The following FYB2 variants were observed in gnomAD, a reference collection of about 807,000 sequenced individuals.
FYB2 encodes the protein FYN-binding protein 2.
Under a neutral mutation model 94.1 loss-of-function variants are expected in FYB2, and 103 were observed. The observed-to-expected ratio is 1.09, with a 90% CI of 0.93 to 1.29. FYB2 has a LOEUF of 1.29. Among genes scored for constraint, FYB2 ranks in the 50% most tolerant of loss-of-function variants. The probability of loss-of-function intolerance (pLI) is 0.00; values close to 1 mark genes in which losing one functional copy is unlikely to be tolerated. For missense variants in FYB2, 896 were observed against 841.5 expected (o/e 1.06, Z -0.80); for synonymous variants, 293 against 287.9 (o/e 1.02, Z -0.18).
intron 2 of FYB2, 71 bp downstream of exon 2, chr1:56,791,985 A>T: frequency 1.3e-6 from 2 of 1,509,008 alleles, no homozygotes; most frequent in Non-Finnish European, 1.8e-6. Context: ...ACTCTGAATC[A>T]ACAGGTTTTC....
chr1:56,753,927 T>C lies in FYB2; in HGVS notation c.1139A>G (p.His380Arg). 3 of 1,594,708 alleles carry C rather than the reference T, an allele frequency of 1.9e-6. No homozygotes were observed. The highest frequency in any genetic ancestry group is 2.6e-6 in the Non-Finnish European group (3 of 1,168,476). ...NFPYPEPSAK[H>R]EDKKMKEKQP... is the part of the protein sequence containing the mutation. ...TTTTTCCTTCATTTTTTTATCTTCA[T>C]GTTTAGCACTGAAATGTGAAGAGAT... Residue 380 changes from histidine (H) to arginine (R), a missense_variant, in exon 8 of 20, where the codon CAT becomes CGT. Coordinates refer to ENST00000343433, the MANE Select transcript of FYB2 (RefSeq NM_001004303.5).
Position 56,752,793 on chromosome 1 carries a change from C to T in FYB2, c.1227+1046G>A, listed in dbSNP as rs537227544. On this transcript the variant is annotated intron_variant, in intron 8 of 19. Coordinates refer to ENST00000343433, the MANE Select transcript of FYB2 (RefSeq NM_001004303.5). ...GTAGTTTGAGCCCATATCTGGCTTA[C>T]GCCACATAGCCAGCATTGAAAAAGA... Among the ~76,000 whole-genome samples the T allele has an allele frequency of 2.2e-4, 34 of 152,198 alleles. 2 individuals are homozygous for T. The South Asian group carries it at 3.7e-3, about 17-fold the overall frequency.
chr1:56,777,421 TAATTC>T (rs1020640503), intron 4 of FYB2, among the ~76,000 whole-genome samples: 5 of 152,182 alleles, frequency 3.3e-5, no homozygotes, highest in Non-Finnish European at 7.3e-5. Flanking sequence ...TTCTAATTTT[TAATTC>T]ATTCAATTTA....
intron 1 of FYB2, among the ~76,000 whole-genome samples, chr1:56,800,287 A>ATG: frequency 6.6e-6 from 1 of 152,272 alleles, no homozygotes; most frequent in South Asian, 2.1e-4. Flanking sequence ...TTCATGACTA[A>ATG]AAGGGCTTCA....
intron 1 of FYB2, among the ~76,000 whole-genome samples, chr1:56,797,748 C>A (rs1353077564): frequency 6.6e-6 from 1 of 152,154 alleles, no homozygotes; most frequent in African/African-American, 2.4e-5. Flanking sequence ...AAAATAATTT[C>A]TTGTAAATCC....
chr1:56,749,325 T>G (rs1392014715), intron 9 of FYB2, among the ~76,000 whole-genome samples: 2 of 151,924 alleles, frequency 1.3e-5, no homozygotes, highest in African/African-American at 4.8e-5. Context: ...TTTTCTGATT[T>G]TATTACAATT....
intron 1 of FYB2, 133 bp downstream of exon 1, chr1:56,819,149 C>A: frequency 1.2e-6 from 1 of 855,254 alleles, no homozygotes; most frequent in South Asian, 1.4e-5. Flanking sequence ...CACTGGCTGA[C>A]ACCTGACATG....
intron 16 of FYB2, among the ~76,000 whole-genome samples, chr1:56,725,664 CT>C (rs1644570001): frequency 6.6e-6 from 1 of 151,954 alleles, no homozygotes; most frequent in African/African-American, 2.4e-5. Context: ...TCTTTCCAGC[CT>C]GAGAAAAATA....
intron 1 of FYB2, among the ~76,000 whole-genome samples, chr1:56,814,987 G>T: frequency 6.6e-6 from 1 of 152,142 alleles, no homozygotes; most frequent in Non-Finnish European, 1.5e-5. Context: ...GTGATATTTA[G>T]TTGGACCTCC....
At chr1:56,735,543 A>G (rs540212040) in intron 15 of FYB2, among the ~76,000 whole-genome samples, 2 of 152,222 alleles carry the variant, frequency 1.3e-5, no homozygotes, top group East Asian at 3.9e-4. Context: ...TACCACTGAT[A>G]TGGTCAGGCT....
At chr1:56,788,693 T>C (rs1435175172) in intron 3 of FYB2, among the ~76,000 whole-genome samples, 1 of 152,174 alleles carries the variant, frequency 6.6e-6, no homozygotes, top group East Asian at 1.9e-4. Context: ...GTTCAGTGAC[T>C]CCCTGCTCAG....
intron 4 of FYB2, among the ~76,000 whole-genome samples, chr1:56,773,402 C>A (rs1300077918): frequency 6.6e-5 from 10 of 152,202 alleles, no homozygotes; most frequent in African/African-American, 2.4e-4. Flanking sequence ...ACATTAATAG[C>A]TACCATTTCT....
At chr1:56,803,792 A>T (rs1420960940) in intron 1 of FYB2, among the ~76,000 whole-genome samples, 1 of 152,196 alleles carries the variant, frequency 6.6e-6, no homozygotes, top group East Asian at 1.9e-4. Context: ...ATCACAGCCC[A>T]TGCTTCACCT....
the FYB2 span, among the ~76,000 whole-genome samples, chr1:56,826,298 T>A: frequency 5.9e-5 from 9 of 152,128 alleles, no homozygotes; most frequent in Non-Finnish European, 1.2e-4. Flanking sequence ...CCAAGACAAA[T>A]CTGACCATGA....
chr1:56,792,843 A>C (rs754724946), intron 1 of FYB2, 40 bp from the exon 2 acceptor site: 1 of 1,537,048 alleles, frequency 6.5e-7, no homozygotes, highest in Non-Finnish European at 8.8e-7. Context: ...CAAAAACAAA[A>C]ACAAACAAAC....
chr1:56,737,379 C>A, intron 14 of FYB2: 1 of 380,176 alleles, frequency 2.6e-6, no homozygotes, highest in South Asian at 5.0e-5. Flanking sequence ...CCCAGTATCT[C>A]AAAACATATA....
chr1:56,825,831 C>T, the FYB2 span, among the ~76,000 whole-genome samples: 1 of 152,210 alleles, frequency 6.6e-6, no homozygotes, highest in Non-Finnish European at 1.5e-5. Flanking sequence ...TGCTGCATTT[C>T]TCCCTTGGGT....
Position 56,723,619 on chromosome 1 carries a change from C to T in FYB2, c.1943G>A (p.Arg648Lys). The change falls in exon 17 of 20, where the codon AGA becomes AAA. Residue 648 changes from arginine (R) to lysine (K), a missense_variant. Physicochemically the swap from Arg to Lys is conservative, Grantham distance 26. Transcript: ENST00000343433. Reference protein sequence around the residue: ...KQNLEKNRMKREEKLFRERFK... With the variant: ...KQNLEKNRMKKEEKLFRERFK... ...CCTTTCTCTAAATAGTTTTTCTTCT[C>T]TTTTCATTCTGTTCTTTTCTAAGTT... The T allele has an allele frequency of 2.6e-6, 4 of 1,565,788 alleles. No homozygotes were observed. Among genetic ancestry groups the T allele is most frequent in the Non-Finnish European group, 3.5e-6 (4 of 1,142,214 alleles).
chr1:56,808,269 C>A (rs530967524), intron 1 of FYB2, among the ~76,000 whole-genome samples: 9 of 152,134 alleles, frequency 5.9e-5, no homozygotes, highest in African/African-American at 1.9e-4. Flanking sequence ...AGAACTAGAC[C>A]CACTGACCTT....
Sources: allele counts gnomAD v4.1 joint callset (sites outside exome capture counted in the v4.1 genomes callset), GRCh38; gene constraint gnomAD v4.1.1; transcripts MANE v1.5; gene names NCBI Gene and HGNC (gene_info 2026-07-23, HGNC 2026-07-21).